Variants in TMC5 observed in about 807,000 individuals in gnomAD.
TMC5 encodes transmembrane channel-like protein 5.
TMC5 carries 86 observed loss-of-function variants against 110.5 expected under a neutral mutation model. The observed-to-expected ratio is 0.78, with a 90% CI of 0.65 to 0.93. The LOEUF (loss-of-function observed/expected upper bound fraction) is 0.93. Ranked by LOEUF, TMC5 falls within the 40% of genes least tolerant of loss-of-function variation. The pLI, the probability that TMC5 is intolerant of heterozygous loss-of-function variation, is 0.00. For missense variants in TMC5, 1,144 were observed against 1,222.8 expected, an observed-to-expected ratio of 0.94 and a Z score of 0.96; for synonymous variants, 455 against 439.5, an observed-to-expected ratio of 1.04 and a Z score of -0.44.
At chr16:19,430,204 G>A (rs1967168330) in intron 1 of TMC5, among the ~76,000 whole-genome samples, 2 of 152,194 alleles carry the variant, frequency 1.3e-5, no homozygotes, top group South Asian at 4.1e-4. Context: ...TGCAAGTCTG[G>A]AATTCATATG....
At chr16:19,481,343 G>C in intron 14 of TMC5, 27 bp from the exon 15 acceptor site, 2 of 1,509,996 alleles carry the variant, frequency 1.3e-6, no homozygotes, top group Non-Finnish European at 1.8e-6. Flanking sequence ...TTATGGTTTG[G>C]GTACTAAACT....
chr16:19,449,901 T>G (rs1478570736), intron 5 of TMC5, among the ~76,000 whole-genome samples: 1 of 152,160 alleles, frequency 6.6e-6, no homozygotes. Context: ...TCCTGAGAAA[T>G]GCCCCCCAGC....
intron 3 of TMC5, among the ~76,000 whole-genome samples, chr16:19,441,472 T>C (rs1057015182): frequency 2.6e-5 from 4 of 151,852 alleles, no homozygotes; most frequent in African/African-American, 9.7e-5. Context: ...GGTGTGCACC[T>C]ATTATGCCCG....
rs769896933 is a variant in TMC5 at position 19,466,123 on chromosome 16, C to A, written c.1527C>A (p.Thr509=). 1 of 1,614,058 alleles carries A rather than the reference C, an allele frequency of 6.2e-7. No homozygotes were observed. Among genetic ancestry groups the A allele is most frequent in the Admixed American group, 1.7e-5 (1 of 59,998 alleles). ...CAGTGATGTACTATGGCTTTTACAC[C>A]AATTCCACCATCCAGCACGGGAACA... ...RDTVMYYGFY[T]NSTIQHGNSG... is the part of the protein sequence containing the mutation. Residue 509 remains threonine, a synonymous_variant, in exon 9 of 22, where the codon ACC becomes ACA. Coordinates refer to ENST00000542583, the MANE Select transcript of TMC5 (RefSeq NM_001261841.2).
chr16:19,462,103 A>G (rs781342784), intron 6 of TMC5, among the ~76,000 whole-genome samples: 13 of 152,200 alleles, frequency 8.5e-5, no homozygotes, highest in Admixed American at 7.9e-4. Context: ...TAAGGAGACC[A>G]ACTGTGACTG....
intron 1 of TMC5, among the ~76,000 whole-genome samples, chr16:19,419,829 T>A (rs925019328): frequency 6.6e-6 from 1 of 152,178 alleles, no homozygotes; most frequent in Non-Finnish European, 1.5e-5. Context: ...AATAACGCAA[T>A]GAATCATATT....
At chr16:19,432,017 G>A (rs981830008) in intron 2 of TMC5, among the ~76,000 whole-genome samples, 9 of 152,152 alleles carry the variant, frequency 5.9e-5, no homozygotes, top group Admixed American at 2.6e-4. Flanking sequence ...TCTGGGTTTC[G>A]TGAGATCATT....
chr16:19,494,873 C>T (rs975113489), intron 20 of TMC5, among the ~76,000 whole-genome samples: 21 of 152,056 alleles, frequency 1.4e-4, no homozygotes, highest in South Asian at 2.1e-4. Context: ...GCTGGGGTTA[C>T]GGTGAACAAA....
chr16:19,473,940 A>G (rs763782564), intron 11 of TMC5, among the ~76,000 whole-genome samples, 185 bp from the exon 12 acceptor site: 1 of 152,192 alleles, frequency 6.6e-6, no homozygotes, highest in South Asian at 2.1e-4. Context: ...AGATCGCGCC[A>G]CTGCAGTCCA....
intron 15 of TMC5, among the ~76,000 whole-genome samples, chr16:19,483,942 C>T (rs150855433): frequency 9.9e-4 from 150 of 151,964 alleles, no homozygotes; most frequent in African/African-American, 3.5e-3. Context: ...ATTAGCTGGG[C>T]GTGGTTGGAA....
intron 19 of TMC5, 94 bp from the exon 20 acceptor site, chr16:19,494,168 A>C: frequency 6.6e-5 from 64 of 975,178 alleles, no homozygotes; most frequent in Non-Finnish European, 9.5e-5. Context: ...GCTGCCTGAA[A>C]ACCGACGTTC....
intron 10 of TMC5, among the ~76,000 whole-genome samples, 171 bp downstream of exon 10, chr16:19,469,996 G>A (rs1254937092): frequency 6.6e-6 from 1 of 151,526 alleles, no homozygotes; most frequent in Non-Finnish European, 1.5e-5. Flanking sequence ...CCGGGTTCAC[G>A]CCATTCTCCT....
rs1448366249 is a variant in TMC5, at chr16:19,472,147, C to G, written c.1842C>G (p.Thr614=). ...AGTTGACGTTCAATCAGCTGCTGAC[C>G]CGCTTCTCTGCCTACATGGTAGCCT... ...NSKLTFNQLL[T]RFSAYMVAWV... is the part of the protein sequence containing the mutation. The change falls in exon 11 of 22, where the codon ACC becomes ACG. Residue 614 remains threonine (T), a synonymous_variant. Transcript: ENST00000542583. 6.2e-7 allele frequency: 1 copy of G among 1,614,072 alleles called. No homozygotes were observed. Among genetic ancestry groups the G allele is most frequent in the Admixed American group, 1.7e-5 (1 of 60,002 alleles).
intron 10 of TMC5, 68 bp downstream of exon 10, chr16:19,469,893 CTTTTCTT>C: frequency 6.7e-7 from 1 of 1,499,812 alleles, no homozygotes; most frequent in Non-Finnish European, 9.0e-7. Context: ...ATACCTGTAA[CTTTTCTT>C]TTTTTTTTTT....
intron 11 of TMC5, among the ~76,000 whole-genome samples, chr16:19,472,747 G>A (rs1968375649): frequency 6.6e-6 from 1 of 152,166 alleles, no homozygotes; most frequent in South Asian, 2.1e-4. Flanking sequence ...TAAGGATCTG[G>A]CCCCAGGCCT....
chr16:19,492,884 C>G (rs1026075601), intron 19 of TMC5, among the ~76,000 whole-genome samples: 8 of 130,002 alleles, frequency 6.2e-5, no homozygotes, highest in Non-Finnish European at 1.2e-4. Flanking sequence ...AAATCTTAGG[C>G]TTTATATTAT....
intron 19 of TMC5, among the ~76,000 whole-genome samples, chr16:19,492,972 T>A (rs1211762438): frequency 7.1e-6 from 1 of 140,076 alleles, no homozygotes; most frequent in Admixed American, 7.3e-5. Flanking sequence ...ATTTATTTAT[T>A]TATTTTGAGA....
chr16:19,457,991 T>A (rs2353691), intron 5 of TMC5, among the ~76,000 whole-genome samples: 82,226 of 151,356 alleles, frequency 0.54, 26,626 homozygotes, highest in Non-Finnish European at 0.69. Flanking sequence ...CCCAAAGTGC[T>A]GGGATGGATT....
intron 19 of TMC5, among the ~76,000 whole-genome samples, chr16:19,493,177 T>G (rs1968958733): frequency 6.6e-6 from 1 of 151,204 alleles, no homozygotes; most frequent in Non-Finnish European, 1.5e-5. Context: ...GTCAGGCTGG[T>G]CTCAAACTTC....
Sources: gnomAD v4.1 joint callset for allele counts (sites outside exome capture counted in the v4.1 genomes callset) on GRCh38, gnomAD v4.1.1 for gene constraint, MANE v1.5 for transcripts, NCBI Gene and HGNC (gene_info 2026-07-23, HGNC 2026-07-21) for gene names.